Variants in XKR6 observed in about 807,000 individuals in gnomAD.
The protein encoded by XKR6 is XK related 6, also known as XK-related protein 6.
In XKR6, 22 loss-of-function variants were observed where a neutral mutation model predicts 56.7. The ratio of observed to expected loss-of-function variants is 0.39; its 90% CI spans 0.28 to 0.55. The LOEUF is 0.55. XKR6 is among the 20% of genes least tolerant of loss of function. The pLI is 0.66. For synonymous variants in XKR6, 524 were observed against 387.8 expected (o/e 1.35, Z -4.13); for missense variants, 852 against 889.0 (o/e 0.96, Z 0.53).
At chr8:11,041,190 A>T (rs1799277659) in intron 1 of XKR6, among the ~76,000 whole-genome samples, 1 of 152,152 alleles carries the variant, frequency 6.6e-6, no homozygotes, top group African/African-American at 2.4e-5. Flanking sequence ...ATTCATGAGG[A>T]GTTTATAAAA....
At chr8:11,044,301 G>A (rs776054465) in intron 1 of XKR6, among the ~76,000 whole-genome samples, 7 of 152,160 alleles carry the variant, frequency 4.6e-5, no homozygotes, top group African/African-American at 7.2e-5. Flanking sequence ...CTTACTATGC[G>A]TGCATGCATT....
intron 1 of XKR6, among the ~76,000 whole-genome samples, chr8:11,181,584 GGTTT>G (rs1802984284): frequency 6.6e-6 from 1 of 152,114 alleles, no homozygotes; most frequent in African/African-American, 2.4e-5. Context: ...ACATAAGCAA[GGTTT>G]GTTTTGTATA....
chr8:11,133,403 G>A (rs921822733), intron 1 of XKR6, among the ~76,000 whole-genome samples: 1 of 152,122 alleles, frequency 6.6e-6, no homozygotes, highest in South Asian at 2.1e-4. Flanking sequence ...CTGGGGCACA[G>A]CATGTGAACA....
chr8:11,127,991 ATTTCAGT>A (rs1031748974), intron 1 of XKR6, among the ~76,000 whole-genome samples: 7 of 152,148 alleles, frequency 4.6e-5, no homozygotes, highest in Non-Finnish European at 7.4e-5. Context: ...GCATTTTTCT[ATTTCAGT>A]TTTCACATAA....
chr8:11,144,375 G>A (rs1221701897), intron 1 of XKR6, among the ~76,000 whole-genome samples: 5 of 150,892 alleles, frequency 3.3e-5, no homozygotes, highest in Non-Finnish European at 7.4e-5. Context: ...TACTAGATGA[G>A]AGATGGTCAC....
intron 1 of XKR6, among the ~76,000 whole-genome samples, chr8:11,111,084 G>C (rs1014195781): frequency 6.9e-6 from 1 of 144,104 alleles, no homozygotes; most frequent in Non-Finnish European, 1.5e-5. Flanking sequence ...TCGATCTCCT[G>C]ACCTCGTGAT....
At chr8:11,077,542 G>T (rs66475020) in intron 1 of XKR6, among the ~76,000 whole-genome samples, 33,476 of 152,168 alleles carry the variant, frequency 0.22, 4,081 homozygotes, top group African/African-American at 0.32. Context: ...TCAGGCAAAG[G>T]CCTGATGCTT....
At chr8:11,119,306 C>T (rs1327320364) in intron 1 of XKR6, among the ~76,000 whole-genome samples, 1 of 152,140 alleles carries the variant, frequency 6.6e-6, no homozygotes, top group Non-Finnish European at 1.5e-5. Context: ...GTGGAGAGTT[C>T]TGTAGATGTC....
chr8:10,916,579 C>G (rs13265332), intron 2 of XKR6, among the ~76,000 whole-genome samples: 1 of 152,240 alleles, frequency 6.6e-6, no homozygotes. Flanking sequence ...GATCCAACCG[C>G]TAAGAGTCGG....
intron 1 of XKR6, among the ~76,000 whole-genome samples, chr8:10,992,821 C>T (rs1466623396): frequency 6.6e-6 from 1 of 152,166 alleles, no homozygotes; most frequent in Non-Finnish European, 1.5e-5. Flanking sequence ...GTCCTTGAGG[C>T]ACGTCCACAG....
intron 1 of XKR6, among the ~76,000 whole-genome samples, chr8:10,986,791 T>A (rs1048456216): frequency 2.0e-5 from 3 of 151,870 alleles, no homozygotes; most frequent in Non-Finnish European, 2.9e-5. Flanking sequence ...GTTGTTTCTT[T>A]TTTTTTTTTA....
chr8:11,054,340 C>T (rs900076392), intron 1 of XKR6, among the ~76,000 whole-genome samples: 1 of 152,222 alleles, frequency 6.6e-6, no homozygotes, highest in Admixed American at 6.5e-5. Flanking sequence ...CTGATGACCA[C>T]CAGAAGCTGC....
At chr8:11,121,648 C>A (rs369806931) in intron 1 of XKR6, among the ~76,000 whole-genome samples, 1 of 152,170 alleles carries the variant, frequency 6.6e-6, no homozygotes, top group African/African-American at 2.4e-5. Context: ...GGATCTAGAA[C>A]GGGAAACACC....
At chr8:10,912,997 T>C (rs1800452862) in intron 2 of XKR6, among the ~76,000 whole-genome samples, 1 of 149,736 alleles carries the variant, frequency 6.7e-6, no homozygotes, top group Non-Finnish European at 1.5e-5. Flanking sequence ...CACATACATA[T>C]ATATATATAT....
intron 1 of XKR6, among the ~76,000 whole-genome samples, chr8:10,973,553 A>ATCTT (rs1404187685): frequency 1.3e-5 from 2 of 152,008 alleles, no homozygotes; most frequent in East Asian, 3.9e-4. Context: ...AAGGCTACTG[A>ATCTT]TCTTTCTTTC....
intron 1 of XKR6, among the ~76,000 whole-genome samples, chr8:10,966,194 A>G (rs762605742): frequency 5.3e-5 from 8 of 152,164 alleles, no homozygotes; most frequent in Non-Finnish European, 7.3e-5. Flanking sequence ...TAAGAAACAC[A>G]GAGTTTCTCA....
At chr8:11,158,933 G>A (rs910390907) in intron 1 of XKR6, among the ~76,000 whole-genome samples, 1 of 152,156 alleles carries the variant, frequency 6.6e-6, no homozygotes, top group Non-Finnish European at 1.5e-5. Context: ...TACCCTTCCT[G>A]CAACTGAGGA....
At position 11,200,539 on chromosome 8, in the gene XKR6, T is replaced by A; in HGVS notation, c.764+37A>T. 1 of 1,428,540 alleles carries A rather than the reference T, an allele frequency of 7.0e-7. No individual in the cohort carries two copies. The highest frequency in any genetic ancestry group is 9.1e-7 in the Non-Finnish European group (1 of 1,100,434). 88.5% of individuals were successfully genotyped at this position (1,428,540 alleles called of 1,614,324 possible). On this transcript the variant is annotated intron_variant, in intron 1 of 2. Coordinates refer to ENST00000416569, the MANE Select transcript of XKR6 (RefSeq NM_173683.4). This position sits in a 1 kb window ranked among gnomAD's most constrained non-coding sequence, Gnocchi z 6.4. ...CACCGGGAGGGCGGAGGGGGGCTCC[T>A]CAGGGCCGGCCCGCCCCCACCCCGC...
At chr8:10,948,437 T>C (rs1357795737) in intron 1 of XKR6, among the ~76,000 whole-genome samples, 1 of 152,122 alleles carries the variant, frequency 6.6e-6, no homozygotes, top group Non-Finnish European at 1.5e-5. Flanking sequence ...CCCCCTGCCC[T>C]GGCTGAGTGG....
Sources: allele counts gnomAD v4.1 joint callset (sites outside exome capture counted in the v4.1 genomes callset), GRCh38; gene constraint gnomAD v4.1.1; non-coding constraint Gnocchi (gnomAD v3.1); transcripts MANE v1.5; gene names NCBI Gene and HGNC (gene_info 2026-07-23, HGNC 2026-07-21).